MAPK8: variants seen among roughly 807,000 people sequenced by gnomAD.
MAPK8 encodes JUN N-terminal kinase.
A neutral mutation model predicts 52.9 loss-of-function variants in MAPK8; 13 were observed. That is an observed-to-expected ratio of 0.25 (90% CI 0.16 to 0.39). The LOEUF (loss-of-function observed/expected upper bound fraction) is 0.39, where lower values mean the gene tolerates loss of function less well. MAPK8 is among the 10% of genes least tolerant of loss of function. The pLI, the probability that MAPK8 is intolerant of heterozygous loss-of-function variation, is 1.00. For missense variants in MAPK8, 300 were observed against 519.2 expected (o/e 0.58, Z 4.10); for synonymous variants, 191 against 169.8 (o/e 1.12, Z -0.97).
At chr10:48,315,589 T>C (rs1453573644) in intron 1 of MAPK8, among the ~76,000 whole-genome samples, 1 of 140,246 alleles carries the variant, frequency 7.1e-6, no homozygotes, top group African/African-American at 2.6e-5. Context: ...TTTTGCTGTT[T>C]TATATATTTA....
At chr10:48,380,551 G>A (rs566402131) in intron 1 of MAPK8, among the ~76,000 whole-genome samples, 50 of 150,836 alleles carry the variant, frequency 3.3e-4, no homozygotes, top group African/African-American at 1.2e-3. Context: ...AGCTAACATG[G>A]TGAAACCCCA....
intron 10 of MAPK8, chr10:48,427,408 A>C (rs2043753283): frequency 2.8e-6 from 1 of 351,600 alleles, no homozygotes; most frequent in African/African-American, 2.1e-5. Flanking sequence ...AAATGTGTTT[A>C]GTGTCTCCCA....
At chr10:48,375,413 T>G (rs145695332) in intron 1 of MAPK8, among the ~76,000 whole-genome samples, 293 of 152,098 alleles carry the variant, frequency 1.9e-3, no homozygotes, top group African/African-American at 6.6e-3. Flanking sequence ...GAGAAAGAAA[T>G]AAAGGGTATT....
chr10:48,434,773 C>G, intron 11 of MAPK8, 111 bp from the exon 12 acceptor site: 1 of 859,412 alleles, frequency 1.2e-6, no homozygotes, highest in South Asian at 2.5e-5. Flanking sequence ...TTTTAGTGAG[C>G]CTTCGAAACC....
chr10:48,399,921 A>C (rs2042072274), intron 1 of MAPK8, among the ~76,000 whole-genome samples: 1 of 152,238 alleles, frequency 6.6e-6, no homozygotes, highest in Non-Finnish European at 1.5e-5. Flanking sequence ...AGATTATCAG[A>C]GATCATTATT....
chr10:48,317,006 T>C (rs1842566740), intron 1 of MAPK8, among the ~76,000 whole-genome samples: 1 of 152,122 alleles, frequency 6.6e-6, no homozygotes, highest in Non-Finnish European at 1.5e-5. Flanking sequence ...GTATGTTAAA[T>C]TGTTTAAACA....
intron 5 of MAPK8, among the ~76,000 whole-genome samples, chr10:48,415,735 G>T (rs527590341): frequency 1.3e-5 from 2 of 152,148 alleles, no homozygotes; most frequent in Non-Finnish European, 2.9e-5. Context: ...TTTTCAAGGT[G>T]AAAGATACTA....
chr10:48,423,070 C>T (rs1451940873), intron 6 of MAPK8, among the ~76,000 whole-genome samples: 1 of 152,180 alleles, frequency 6.6e-6, no homozygotes, highest in Non-Finnish European at 1.5e-5. Flanking sequence ...TCATTCTTCC[C>T]TCTTTTCCTG....
At chr10:48,366,456 G>A (rs1039216349) in intron 1 of MAPK8, among the ~76,000 whole-genome samples, 2 of 152,074 alleles carry the variant, frequency 1.3e-5, no homozygotes, top group African/African-American at 4.8e-5. Context: ...CCTTATTTGG[G>A]CATAATCTAG....
chr10:48,435,042 TC>T lies in MAPK8; in HGVS notation c.*14del. The T allele has an allele frequency of 2.4e-6, 1 of 420,634 alleles. No individual in the cohort carries two copies. 26.1% of individuals were successfully genotyped at this position (420,634 alleles called of 1,614,324 possible). A position where few individuals can be genotyped will look rare whatever the true frequency, so the allele number is the denominator to read the frequency against. On this transcript the variant is annotated 3_prime_UTR_variant, in exon 12 of 12. Coordinates refer to ENST00000374189, the MANE Select transcript of MAPK8 (RefSeq NM_001323329.2). ...CTGCTGTAGATGACTACTTGGGCCA[TC>T]GGGGGGTGGGAGGGATGGGGAGTCG...
intron 1 of MAPK8, among the ~76,000 whole-genome samples, chr10:48,326,576 C>A (rs1032488213): frequency 7.2e-5 from 11 of 152,242 alleles, no homozygotes; most frequent in African/African-American, 2.6e-4. Flanking sequence ...TAGGTACTCT[C>A]AGCAGATAGA....
At chr10:48,346,038 T>C (rs2132382406) in intron 1 of MAPK8, among the ~76,000 whole-genome samples, 1 of 152,228 alleles carries the variant, frequency 6.6e-6, no homozygotes, top group South Asian at 2.1e-4. Flanking sequence ...GCAGTAACCA[T>C]AGGCAGGGAG....
At chr10:48,321,218 C>T (rs1360938163) in intron 1 of MAPK8, among the ~76,000 whole-genome samples, 1 of 151,730 alleles carries the variant, frequency 6.6e-6, no homozygotes, top group East Asian at 1.9e-4. Context: ...CCTCCCCAGC[C>T]TCACAAGTAG....
At chr10:48,411,567 T>C (rs1478608982) in intron 5 of MAPK8, among the ~76,000 whole-genome samples, 1 of 152,192 alleles carries the variant, frequency 6.6e-6, no homozygotes, top group Non-Finnish European at 1.5e-5. Context: ...TTCTCCAGCT[T>C]TATTCTTTTA....
At position 48,436,758 on chromosome 10, in the gene MAPK8, G is replaced by A. The variant is rs181230780; in HGVS notation, c.*1729G>A. Reference sequence around the variant, plus strand: ...ACTTTGAAGTAGCAAGTTTGTTTTCGATGGCTTAGAGTCATGATTTCCAGC... The same window carrying A: ...ACTTTGAAGTAGCAAGTTTGTTTTCAATGGCTTAGAGTCATGATTTCCAGC... On this transcript the variant is annotated 3_prime_UTR_variant, in exon 12 of 12. Transcript: ENST00000374189. The A allele has an allele frequency of 3.4e-4, 52 of 152,210 alleles. No homozygotes were observed. Among genetic ancestry groups the A allele is most frequent in the African/African-American group, 1.2e-3 (50 of 41,556 alleles). The allele number at this position is 152,210 out of a possible 1,614,324, so 9.4% of individuals were successfully genotyped here.
At chr10:48,308,474 C>T (rs2132041679) in intron 1 of MAPK8, among the ~76,000 whole-genome samples, 1 of 152,216 alleles carries the variant, frequency 6.6e-6, no homozygotes, top group East Asian at 1.9e-4. Flanking sequence ...GCTTTTGAAT[C>T]ACGTGTAGGT....
intron 11 of MAPK8, among the ~76,000 whole-genome samples, chr10:48,432,835 CTT>C (rs2044443647): frequency 6.6e-6 from 1 of 152,152 alleles, no homozygotes; most frequent in South Asian, 2.1e-4. Flanking sequence ...GGTTTCTAGA[CTT>C]TTTCTGGATC....
intron 1 of MAPK8, among the ~76,000 whole-genome samples, chr10:48,345,651 C>G (rs892748548): frequency 6.6e-6 from 1 of 152,172 alleles, no homozygotes; most frequent in Non-Finnish European, 1.5e-5. Context: ...GCTAAAATCC[C>G]TGGACATTAC....
At chr10:48,307,676 A>G (rs760098369) in intron 1 of MAPK8, among the ~76,000 whole-genome samples, 9 of 152,174 alleles carry the variant, frequency 5.9e-5, no homozygotes, top group Admixed American at 3.3e-4. Flanking sequence ...ACTACATGGC[A>G]TTGTCCAGTG....
Sources: allele counts gnomAD v4.1 joint callset (sites outside exome capture counted in the v4.1 genomes callset), GRCh38; gene constraint gnomAD v4.1.1; transcripts MANE v1.5; gene names NCBI Gene and HGNC (gene_info 2026-07-23, HGNC 2026-07-21).